Variants in USP35 observed in about 807,000 individuals in gnomAD.
USP35 encodes the protein ubiquitin carboxyl-terminal hydrolase 35.
USP35 carries 69 observed loss-of-function variants against 83.8 expected under a neutral mutation model. That is an observed-to-expected ratio of 0.82 (90% CI 0.68 to 1.01). The LOEUF (loss-of-function observed/expected upper bound fraction) is 1.01, where lower values mean the gene tolerates loss of function less well. Among genes scored for constraint, USP35 ranks in the 50% least tolerant of loss-of-function variants. The probability of loss-of-function intolerance (pLI) is 0.00; values close to 1 mark genes in which losing one functional copy is unlikely to be tolerated. For missense variants in USP35, 1,503 were observed against 1,362.5 expected (o/e 1.10, Z -1.62); for synonymous variants, 714 against 589.5 (o/e 1.21, Z -3.06).
In USP35 at chr11:78,209,839, C is replaced by T. The variant is rs772413754; in HGVS notation, c.1984C>T (p.Leu662=). The T allele has an allele frequency of 6.2e-7, 1 of 1,613,188 alleles. No individual in the cohort carries two copies. The highest frequency in any genetic ancestry group is 8.5e-7 in the Non-Finnish European group (1 of 1,179,624). ...TPPTSLYIEG[L]DSKEAGGQSS... is the part of the protein sequence containing the mutation. The stretch of plus-strand genomic sequence containing the variant: ...CCCCACCAGCCTGTACATCGAAGGC[C>T]TGGACTCCAAGGAAGCTGGTGGGCA... Residue 662 remains leucine, a synonymous_variant, in exon 10 of 11, where the codon CTG becomes TTG. Transcript: ENST00000529308.
At chr11:78,236,528 A>C in the USP35 span, among the ~76,000 whole-genome samples, 1 of 152,212 alleles carries the variant, frequency 6.6e-6, no homozygotes, top group Non-Finnish European at 1.5e-5. Flanking sequence ...AAGAACAGGT[A>C]CTTTCTCCTT....
intron 2 of USP35, among the ~76,000 whole-genome samples, chr11:78,197,238 TGGG>T (rs35785270): frequency 1.6e-3 from 107 of 68,708 alleles, no homozygotes; most frequent in African/African-American, 5.7e-3. Context: ...GCGGGGGAGG[TGGG>T]GGGGGGGGTC....
the USP35 span, chr11:78,226,901 G>A: frequency 2.5e-6 from 4 of 1,613,998 alleles, no homozygotes; most frequent in Non-Finnish European, 8.5e-7. Context: ...ATTCTGTATT[G>A]TGCCGGCTCG....
rs547268153 is a variant in USP35, at chr11:78,209,649, C to T, written c.1794C>T (p.Leu598=). The T allele has an allele frequency of 4.8e-5, 77 of 1,614,112 alleles. No homozygotes were observed. In the South Asian group the frequency reaches 5.6e-4, roughly 12 times the overall value. The change falls in exon 10 of 11, where the codon CTC becomes CTT. Residue 598 remains leucine (L), a synonymous_variant. Coordinates refer to ENST00000529308, the MANE Select transcript of USP35 (RefSeq NM_020798.4). The stretch of plus-strand genomic sequence containing the variant: ...AGGAGGCCTTCACGGACCTCTCTCT[C>T]GCCTTCCCTCCTCCTGAGCGCTGTC... The part of the protein sequence containing the change: ...SREEAFTDLS[L]AFPPPERCRR...
At chr11:78,203,543 A>G (rs1311046042) in intron 6 of USP35, among the ~76,000 whole-genome samples, 1 of 152,056 alleles carries the variant, frequency 6.6e-6, no homozygotes, top group East Asian at 1.9e-4. Context: ...TCAAGTATGT[A>G]TGTCGTAATT....
chr11:78,211,444 C>T (rs1028947268), intron 10 of USP35, among the ~76,000 whole-genome samples: 3 of 152,072 alleles, frequency 2.0e-5, no homozygotes, highest in Non-Finnish European at 4.4e-5. Context: ...AATAGAATGA[C>T]TTATATTCCT....
the USP35 span, among the ~76,000 whole-genome samples, chr11:78,230,385 C>T: frequency 6.6e-6 from 1 of 152,252 alleles, no homozygotes; most frequent in South Asian, 2.1e-4. Flanking sequence ...CTGTGGAACG[C>T]TTCCTTGATA....
At chr11:78,189,924 A>T (rs1459134231) in intron 1 of USP35, among the ~76,000 whole-genome samples, 1 of 152,184 alleles carries the variant, frequency 6.6e-6, no homozygotes, top group Admixed American at 6.5e-5. Flanking sequence ...AAGTTCAGTT[A>T]AAAAATACCT....
intron 6 of USP35, among the ~76,000 whole-genome samples, chr11:78,204,963 G>T (rs1310340330): frequency 6.6e-6 from 1 of 152,184 alleles, no homozygotes; most frequent in Non-Finnish European, 1.5e-5. Context: ...GTGGAGCCCT[G>T]GACAAATCTA....
chr11:78,213,963 CAGAT>C lies in USP35; in HGVS notation c.*152_*155del. 1 of 849,488 alleles carries C rather than the reference CAGAT, an allele frequency of 1.2e-6. No individual in the cohort carries two copies. The allele number at this position is 849,488 out of a possible 1,614,324, so 52.6% of individuals were successfully genotyped here. A position where few individuals can be genotyped will look rare whatever the true frequency, so the allele number is the denominator to read the frequency against. ...GATGAAGGGTACACAGAGATTCTCT[CAGAT>C]ATGGAAGTAAGACCTAAGTCCCTTT... is the stretch of plus-strand genomic sequence containing the variant. On this transcript the variant is annotated 3_prime_UTR_variant, in exon 11 of 11. Coordinates refer to ENST00000529308, the MANE Select transcript of USP35 (RefSeq NM_020798.4).
In USP35 at chr11:78,206,009, C is replaced by T. The variant is rs866195165; in HGVS notation, c.1365C>T (p.Ile455=). Residue 455 remains isoleucine (I), a synonymous_variant, in exon 7 of 11, where the codon ATC becomes ATT. Transcript: ENST00000529308. ...GCAACACATGCTATGTCAACAGCAT[C>T]CTTCAGGCCTTATTCATGGCGTCTG... ...NLGNTCYVNS[I]LQALFMASDF... The T allele has an allele frequency of 1.9e-6, 3 of 1,613,888 alleles. No homozygotes were observed. Among genetic ancestry groups the T allele is most frequent in the Middle Eastern group, 1.7e-4 (1 of 6,052 alleles).
At chr11:78,213,620 AAG>A in intron 10 of USP35, 24 bp from the exon 11 acceptor site, 1 of 1,401,882 alleles carries the variant, frequency 7.1e-7, no homozygotes, top group Non-Finnish European at 9.4e-7. Context: ...TTCTAAGTCT[AAG>A]TCTCCTCTCA....
chr11:78,200,647 C>T lies in USP35; in HGVS notation c.1039-3C>T. Reference sequence around the variant, plus strand: ...TGAGCCTGACGCAGCTCTGCTCCCACAGCTCCTCCCTCACATCCCCCCCAT... The same window carrying T: ...TGAGCCTGACGCAGCTCTGCTCCCATAGCTCCTCCCTCACATCCCCCCCAT... On this transcript the variant is annotated splice_region_variant and splice_polypyrimidine_tract_variant and intron_variant, in intron 5 of 10. Coordinates refer to ENST00000529308, the MANE Select transcript of USP35 (RefSeq NM_020798.4). The T allele has an allele frequency of 6.2e-7, 1 of 1,606,278 alleles. No homozygotes were observed. The highest frequency in any genetic ancestry group is 1.7e-5 in the Admixed American group (1 of 59,180).
chr11:78,195,873 G>GGT (rs1338759219), intron 1 of USP35, among the ~76,000 whole-genome samples: 15 of 152,106 alleles, frequency 9.9e-5, no homozygotes, highest in Admixed American at 5.2e-4. Context: ...TGGCATTACA[G>GGT]GTGTGTGTGA....
chr11:78,195,118 G>A (rs897984246), intron 1 of USP35, among the ~76,000 whole-genome samples: 1 of 152,120 alleles, frequency 6.6e-6, no homozygotes, highest in Non-Finnish European at 1.5e-5. Context: ...GGGCTGGAGC[G>A]CGGAGATGAG....
the USP35 span, among the ~76,000 whole-genome samples, chr11:78,228,533 C>T: frequency 5.3e-5 from 8 of 152,174 alleles, no homozygotes; most frequent in African/African-American, 1.9e-4. Context: ...GCTCTCTCAG[C>T]TCCTGAGGAG....
At chr11:78,236,964 G>A in the USP35 span, among the ~76,000 whole-genome samples, 1 of 152,098 alleles carries the variant, frequency 6.6e-6, no homozygotes, top group African/African-American at 2.4e-5. Flanking sequence ...TTTTTAAAGA[G>A]GATTTCTGTT....
chr11:78,222,022 C>G, the USP35 span: 1 of 915,116 alleles, frequency 1.1e-6, no homozygotes, highest in Non-Finnish European at 1.8e-6. Context: ...TCCAGCTGTC[C>G]CGGCCCACAG....
chr11:78,229,763 C>T, the USP35 span, among the ~76,000 whole-genome samples: 2 of 152,232 alleles, frequency 1.3e-5, no homozygotes, highest in Non-Finnish European at 2.9e-5. Flanking sequence ...AGGATCCAAA[C>T]CAAACTTTGC....
Sources: gnomAD v4.1 joint callset for allele counts (sites outside exome capture counted in the v4.1 genomes callset) on GRCh38, gnomAD v4.1.1 for gene constraint, MANE v1.5 for transcripts, NCBI Gene and HGNC (gene_info 2026-07-23, HGNC 2026-07-21) for gene names.